The following SVEP1 variants were observed in gnomAD, a reference collection of about 807,000 sequenced individuals.
The protein encoded by SVEP1 is sushi, von Willebrand factor type A, EGF and pentraxin domain-containing protein 1.
A neutral mutation model predicts 367.3 loss-of-function variants in SVEP1; 164 were observed. The ratio of observed to expected loss-of-function variants is 0.45; its 90% CI spans 0.39 to 0.51. The LOEUF (loss-of-function observed/expected upper bound fraction) is 0.51, where lower values mean the gene tolerates loss of function less well. Among genes scored for constraint, SVEP1 ranks in the 20% least tolerant of loss-of-function variants. SVEP1 has a pLI of 0.00. For synonymous variants in SVEP1, 1,666 were observed against 1,611.6 expected (o/e 1.03, Z -0.81); for missense variants, 4,117 against 4,425.3 (o/e 0.93, Z 1.98).
At chr9:110,563,792 T>A (rs551479010) in intron 1 of SVEP1, among the ~76,000 whole-genome samples, 22 of 152,264 alleles carry the variant, frequency 1.4e-4, no homozygotes, top group Middle Eastern at 3.4e-3. Flanking sequence ...CAGTATGGTG[T>A]CTCCACTTCT....
chr9:110,498,603 T>C (rs1031151743), intron 7 of SVEP1, among the ~76,000 whole-genome samples: 1 of 152,222 alleles, frequency 6.6e-6, no homozygotes, highest in Non-Finnish European at 1.5e-5. Context: ...CTAAGAACTC[T>C]TTTCTGTTTT....
chr9:110,455,816 G>GATAAA, intron 21 of SVEP1, 113 bp from the exon 22 acceptor site: 1 of 434,114 alleles, frequency 2.3e-6, no homozygotes, highest in Non-Finnish European at 3.5e-6. Flanking sequence ...AATGGGTAGT[G>GATAAA]GTAAAGGGTA....
rs967692221 is a variant in SVEP1, at chr9:110,518,851, G to A, written c.965-4745C>T. Among the ~76,000 whole-genome samples the A allele has an allele frequency of 4.6e-5, 7 of 152,070 alleles. No individual in the cohort carries two copies. In the East Asian group the frequency reaches 7.7e-4, roughly 17 times the overall value. ...CCCTTCAATCCATTTGTGATGTTGC[G>A]ACCTGAACAATTTTCAAAACTATAA... On this transcript the variant is annotated intron_variant, in intron 3 of 47. Coordinates refer to ENST00000374469, the MANE Select transcript of SVEP1 (RefSeq NM_153366.4).
Position 110,430,284 on chromosome 9 carries a change from T to C in SVEP1, c.5520A>G (p.Pro1840=), listed in dbSNP as rs767955707. 6.2e-6 allele frequency: 10 copies of C among 1,611,844 alleles called. No homozygotes were observed. The African/African-American group carries it at 1.1e-4, about 17-fold the overall frequency. ...ATTTACTAAACATACCTTTACAATA[T>C]GGTATTAGATGATTCCATTCTCCAG... ...LESGEWNHLI[P]YCKAVSCGKP... Residue 1840 remains proline (P), a synonymous_variant, in exon 33 of 48, where the codon CCA becomes CCG. Coordinates refer to ENST00000374469, the MANE Select transcript of SVEP1 (RefSeq NM_153366.4).
At position 110,366,317 on chromosome 9, in the gene SVEP1, T is replaced by C. The variant is rs1235589721; in HGVS notation, c.*222A>G. ...CAGCATCTATTTAATATAATTTTTATATAGAAAATACAGGCATATTTAAAA... is the reference window on the plus strand; with the variant it reads ...CAGCATCTATTTAATATAATTTTTACATAGAAAATACAGGCATATTTAAAA... On this transcript the variant is annotated 3_prime_UTR_variant, in exon 48 of 48. Coordinates refer to ENST00000374469, the MANE Select transcript of SVEP1 (RefSeq NM_153366.4). 3 of 401,766 alleles carry C rather than the reference T, an allele frequency of 7.5e-6. No homozygotes were observed. The highest frequency in any genetic ancestry group is 1.3e-5 in the Non-Finnish European group (3 of 229,116). The allele number at this position is 401,766 out of a possible 1,614,324, so 24.9% of individuals were successfully genotyped here. A position where few individuals can be genotyped will look rare whatever the true frequency, so the allele number is the denominator to read the frequency against.
Position 110,406,193 on chromosome 9 carries a change from T to G in SVEP1, c.9407A>C (p.Glu3136Ala). The change falls in exon 38 of 48, where the codon GAG becomes GCG. Residue 3136 changes from glutamate to alanine, a missense_variant. Physicochemically the swap from Glu to Ala is moderately radical, Grantham distance 107. Transcript: ENST00000374469. ...CACTTCACTTTCATAGGTGTGTGCCTCTCCAGTTGCCACTGCATTGGCGAC... is the reference window on the plus strand; with the variant it reads ...CACTTCACTTTCATAGGTGTGTGCCGCTCCAGTTGCCACTGCATTGGCGAC... ...PSVANAVATG[E>A]AHTYESEVKL... 1 of 1,599,884 alleles carries G rather than the reference T, an allele frequency of 6.3e-7. No homozygotes were observed. The highest frequency in any genetic ancestry group is 8.5e-7 in the Non-Finnish European group (1 of 1,172,434).
rs531542480 is a variant in SVEP1 at position 110,397,597 on chromosome 9, A to G, written c.9822+3257T>C. ...CATGATTGTATACCTAGAAAACCCC[A>G]TTGTCTCAGCCCAAAATCTCCTTAA... On this transcript the variant is annotated intron_variant, in intron 40 of 47. Coordinates refer to ENST00000374469, the MANE Select transcript of SVEP1 (RefSeq NM_153366.4). Among the ~76,000 whole-genome samples the G allele has an allele frequency of 4.6e-5, 7 of 152,122 alleles. No homozygotes were observed. In the South Asian group the frequency reaches 1.2e-3, roughly 27 times the overall value.
chr9:110,541,869 A>G (rs1046210533), intron 3 of SVEP1, among the ~76,000 whole-genome samples: 1 of 140,730 alleles, frequency 7.1e-6, no homozygotes, highest in Non-Finnish European at 1.5e-5. Flanking sequence ...ATATACATAG[A>G]TATCTATATA....
In SVEP1 at chr9:110,385,934, C is replaced by T. The variant is rs750101967; in HGVS notation, c.10201G>A (p.Asp3401Asn). ...QGHGIITCNPDETWTQTSAKC... is the reference protein window; with the variant it reads ...QGHGIITCNPNETWTQTSAKC... Reference sequence around the variant, plus strand: ...GCGCTTGTCTGTGTCCACGTCTCGTCGGGGTTGCAGGTAATGATGCCGTGG... The same window carrying T: ...GCGCTTGTCTGTGTCCACGTCTCGTTGGGGTTGCAGGTAATGATGCCGTGG... Residue 3401 changes from aspartate (D) to asparagine (N), a missense_variant, in exon 43 of 48, where the codon GAC becomes AAC. By Grantham distance (23) the Asp-to-Asn change is conservative. Transcript: ENST00000374469. The T allele has an allele frequency of 5.6e-6, 9 of 1,613,700 alleles. No homozygotes were observed. Among genetic ancestry groups the T allele is most frequent in the African/African-American group, 2.7e-5 (2 of 74,924 alleles).
At chr9:110,416,864 T>C (rs1312316394) in intron 36 of SVEP1, among the ~76,000 whole-genome samples, 3 of 152,060 alleles carry the variant, frequency 2.0e-5, no homozygotes, top group Non-Finnish European at 4.4e-5. Context: ...GGAGGACTGT[T>C]CTGTACATTG....
At chr9:110,429,048 G>T in intron 35 of SVEP1, 95 bp downstream of exon 35, 1 of 1,069,052 alleles carries the variant, frequency 9.4e-7, no homozygotes, top group Non-Finnish European at 1.3e-6. Flanking sequence ...TAGCCTGAGT[G>T]TCACAGTGAG....
chr9:110,504,966 T>C (rs1032462657), intron 5 of SVEP1, among the ~76,000 whole-genome samples: 3 of 152,188 alleles, frequency 2.0e-5, no homozygotes, highest in African/African-American at 4.8e-5. Context: ...ACTTGTGACA[T>C]GGTTTTCTTC....
chr9:110,410,957 C>A, intron 37 of SVEP1, 106 bp downstream of exon 37: 1 of 958,982 alleles, frequency 1.0e-6, no homozygotes, highest in South Asian at 2.3e-5. Context: ...AGTTTCCATG[C>A]CTTAGTGAAC....
intron 3 of SVEP1, among the ~76,000 whole-genome samples, chr9:110,539,556 T>C (rs1830118804): frequency 6.6e-6 from 1 of 151,958 alleles, no homozygotes; most frequent in African/African-American, 2.4e-5. Context: ...TGATCAAATA[T>C]TGATAATAAA....
chr9:110,455,349 C>T (rs926912068), intron 22 of SVEP1, among the ~76,000 whole-genome samples: 2 of 152,156 alleles, frequency 1.3e-5, no homozygotes, highest in Non-Finnish European at 2.9e-5. Context: ...GATGGGAACA[C>T]GCCTGCTTGT....
At chr9:110,558,218 A>G (rs1425032167) in intron 1 of SVEP1, among the ~76,000 whole-genome samples, 1 of 151,856 alleles carries the variant, frequency 6.6e-6, no homozygotes, top group Non-Finnish European at 1.5e-5. Flanking sequence ...AGAAAATAAG[A>G]ATAATTGGCC....
At chr9:110,443,286 A>G (rs1828540769) in intron 27 of SVEP1, 1 of 367,062 alleles carries the variant, frequency 2.7e-6, no homozygotes, top group East Asian at 4.3e-5. Flanking sequence ...TTTAGCAACC[A>G]GCTGCTAATT....
intron 1 of SVEP1, among the ~76,000 whole-genome samples, chr9:110,567,265 G>A (rs1830503426): frequency 6.6e-6 from 1 of 152,162 alleles, no homozygotes; most frequent in South Asian, 2.1e-4. Context: ...CCACAAGAGA[G>A]TTATAAACCA....
At chr9:110,530,384 T>A (rs144711417) in intron 3 of SVEP1, among the ~76,000 whole-genome samples, 1,938 of 152,296 alleles carry the variant, frequency 0.013, 15 homozygotes, top group Non-Finnish European at 0.021. Context: ...TAGGGACATG[T>A]CTTCATGACT....
Sources: gnomAD v4.1 joint callset for allele counts (sites outside exome capture counted in the v4.1 genomes callset) on GRCh38, gnomAD v4.1.1 for gene constraint, MANE v1.5 for transcripts, NCBI Gene and HGNC (gene_info 2026-07-23, HGNC 2026-07-21) for gene names.